SATB2: variants seen among roughly 807,000 people sequenced by gnomAD.
The protein encoded by SATB2 is SATB homeobox 2.
A neutral mutation model predicts 73.4 loss-of-function variants in SATB2; 1 was observed. The observed-to-expected ratio is 0.01, with a 90% CI of 0.00 to 0.06. The LOEUF is 0.06. Ranked by LOEUF, SATB2 falls within the 10% of genes least tolerant of loss-of-function variation. SATB2 has a pLI of 1.00. For missense variants in SATB2, 459 were observed against 945.8 expected (o/e 0.49, Z 6.75); for synonymous variants, 397 against 367.0 (o/e 1.08, Z -0.93).
intron 9 of SATB2, among the ~76,000 whole-genome samples, chr2:199,315,414 G>T (rs1300932338): frequency 6.6e-6 from 1 of 152,020 alleles, no homozygotes; most frequent in Non-Finnish European, 1.5e-5. Context: ...ATGGCCCAGT[G>T]TTCAAGCTTG....
At chr2:199,315,737 G>C (rs1028798915) in intron 9 of SATB2, among the ~76,000 whole-genome samples, 1 of 152,018 alleles carries the variant, frequency 6.6e-6, no homozygotes, top group African/African-American at 2.4e-5. Flanking sequence ...AGCCTGCTCT[G>C]ATCTCCCACA....
chr2:199,462,572 G>A (rs141778728), upstream of SATB2, among the ~76,000 whole-genome samples: 2,377 of 152,240 alleles, frequency 0.016, 32 homozygotes, highest in South Asian at 0.034. This position sits in a 1 kb window ranked among gnomAD's most constrained non-coding sequence, Gnocchi z 5.9. Context: ...TTATCCGCAC[G>A]CCTTCCTCGT....
intron 7 of SATB2, among the ~76,000 whole-genome samples, chr2:199,336,577 A>C (rs545896077): frequency 1.3e-5 from 2 of 152,336 alleles, no homozygotes; most frequent in East Asian, 3.9e-4. Flanking sequence ...ACTTTTTCTG[A>C]AACAGTTACA....
intron 7 of SATB2, among the ~76,000 whole-genome samples, chr2:199,335,623 T>C (rs1688315653): frequency 6.6e-6 from 1 of 152,160 alleles, no homozygotes; most frequent in South Asian, 2.1e-4. Flanking sequence ...AGGCAACAAA[T>C]GCATATTTTT....
intron 10 of SATB2, among the ~76,000 whole-genome samples, chr2:199,285,773 C>CAATAAAAGTCAATAAA (rs1215903333): frequency 6.8e-6 from 1 of 148,012 alleles, no homozygotes; most frequent in East Asian, 2.0e-4. Context: ...AAAAAAGTGG[C>CAATAAAAGTCAATAAA]AGTCAACAAA....
chr2:199,447,963 C>T lies in SATB2; in HGVS notation c.169+7906G>A, dbSNP rs1471763058. ...TATAATTGTTATTGTAATCTGTTTT[C>T]GATCACTGCTTGGGAAATGGGTCCA... On this transcript the variant is annotated intron_variant, in intron 2 of 10. Transcript: ENST00000417098. Among the ~76,000 whole-genome samples, 2 of 151,908 alleles carry T rather than the reference C, an allele frequency of 1.3e-5. 1 individual carries two copies. Among genetic ancestry groups the T allele is most frequent in the African/African-American group, 4.8e-5 (2 of 41,370 alleles).
At chr2:199,395,786 C>T (rs1690282373) in intron 3 of SATB2, 1 of 152,178 alleles carries the variant, frequency 6.6e-6, no homozygotes, top group Non-Finnish European at 1.5e-5. Context: ...ACACAAAATA[C>T]TGGGTTGGGG....
At chr2:199,314,214 A>G (rs904481003) in intron 9 of SATB2, among the ~76,000 whole-genome samples, 8 of 152,122 alleles carry the variant, frequency 5.3e-5, no homozygotes, top group Non-Finnish European at 1.0e-4. Flanking sequence ...TACTCATTTT[A>G]CCATTTTCAG....
chr2:199,275,597 G>A (rs1692290681), intron 10 of SATB2, among the ~76,000 whole-genome samples: 2 of 152,122 alleles, frequency 1.3e-5, no homozygotes, highest in African/African-American at 4.8e-5. Flanking sequence ...TGATAAAGAA[G>A]GTTTCCAGGG....
intron 7 of SATB2, among the ~76,000 whole-genome samples, chr2:199,340,458 C>A (rs755170338): frequency 6.6e-6 from 1 of 152,224 alleles, no homozygotes; most frequent in Non-Finnish European, 1.5e-5. Flanking sequence ...CTTACTGTTA[C>A]AAAAGAATAG....
At chr2:199,319,758 C>G (rs192961623) in intron 9 of SATB2, among the ~76,000 whole-genome samples, 1 of 151,868 alleles carries the variant, frequency 6.6e-6, no homozygotes, top group East Asian at 1.9e-4. Flanking sequence ...GATTAACTCT[C>G]CTCTCAAAGA....
At chr2:199,282,172 C>T (rs973275996) in intron 10 of SATB2, among the ~76,000 whole-genome samples, 7 of 152,178 alleles carry the variant, frequency 4.6e-5, no homozygotes, top group African/African-American at 7.2e-5. Flanking sequence ...TAAACCACTG[C>T]GCCCGGCCCA....
chr2:199,411,592 C>A (rs1246405480), intron 3 of SATB2, among the ~76,000 whole-genome samples: 3 of 152,140 alleles, frequency 2.0e-5, no homozygotes, highest in African/African-American at 7.2e-5. Context: ...AACATACACA[C>A]CCAATGTCAC....
At chr2:199,286,434 C>G (rs1692690653) in intron 10 of SATB2, among the ~76,000 whole-genome samples, 1 of 152,044 alleles carries the variant, frequency 6.6e-6, no homozygotes, top group Admixed American at 6.6e-5. Context: ...TCCACAAAAA[C>G]AACAAACACA....
intron 10 of SATB2, among the ~76,000 whole-genome samples, chr2:199,284,435 T>C (rs1204131825): frequency 6.6e-6 from 1 of 152,206 alleles, no homozygotes; most frequent in East Asian, 1.9e-4. Context: ...GTTGCTCTAG[T>C]ATCAAAGAAG....
chr2:199,400,116 T>C (rs1574590732), intron 3 of SATB2, among the ~76,000 whole-genome samples: 2 of 152,272 alleles, frequency 1.3e-5, no homozygotes, highest in East Asian at 1.9e-4. Context: ...CCAGAGGGAA[T>C]AGCACTTTTC....
At chr2:199,317,711 T>C (rs535830418) in intron 9 of SATB2, among the ~76,000 whole-genome samples, 3 of 151,946 alleles carry the variant, frequency 2.0e-5, no homozygotes, top group African/African-American at 7.3e-5. Context: ...GATCATGAGG[T>C]TGATATTAAA....
At chr2:199,325,048 T>G (rs1192155388) in intron 8 of SATB2, among the ~76,000 whole-genome samples, 4 of 152,182 alleles carry the variant, frequency 2.6e-5, no homozygotes, top group African/African-American at 7.2e-5. Flanking sequence ...GTGTGGACTC[T>G]GTGACAAATG....
rs150601540 is a variant in SATB2 at position 199,395,545 on chromosome 2, C to G, written c.347-13725G>C. 8.3e-4 allele frequency among the ~76,000 whole-genome samples: 127 copies of G among 152,198 alleles called. 4 individuals are homozygous for G. In the East Asian group the frequency reaches 0.02, roughly 23 times the overall value. ...AAACCACCTCATTCATCTAAGCTAG[C>G]CTGGTGTCTGACACTTAGTAGACAC... On this transcript the variant is annotated intron_variant, in intron 3 of 10. Coordinates refer to ENST00000417098, the MANE Select transcript of SATB2 (RefSeq NM_001172509.2).
Sources: allele counts gnomAD v4.1 joint callset (sites outside exome capture counted in the v4.1 genomes callset), GRCh38; gene constraint gnomAD v4.1.1; non-coding constraint Gnocchi (gnomAD v3.1); transcripts MANE v1.5; gene names NCBI Gene and HGNC (gene_info 2026-07-23, HGNC 2026-07-21).